The following CARMIL1 variants were observed in gnomAD, a reference collection of about 807,000 sequenced individuals.
CARMIL1 encodes F-actin-uncapping protein LRRC16A.
In CARMIL1, 90 loss-of-function variants were observed where a neutral mutation model predicts 177.1. The ratio of observed to expected loss-of-function variants is 0.51; its 90% confidence interval spans 0.43 to 0.61. The LOEUF (loss-of-function observed/expected upper bound fraction) is 0.61. Ranked by LOEUF, CARMIL1 falls within the 20% of genes least tolerant of loss-of-function variation. The pLI, the probability that CARMIL1 is intolerant of heterozygous loss-of-function variation, is 0.00. For synonymous variants in CARMIL1, 577 were observed against 606.2 expected (o/e 0.95, Z 0.71); for missense variants, 1,380 against 1,667.0 (o/e 0.83, Z 3.00).
Position 25,482,305 on chromosome 6 carries a change from A to G in CARMIL1, c.923A>G (p.Lys308Arg). 6.3e-7 allele frequency: 1 copy of G among 1,590,406 alleles called. No individual in the cohort carries two copies. The highest frequency in any genetic ancestry group is 8.6e-7 in the Non-Finnish European group (1 of 1,165,276). The change falls in exon 12 of 37, where the codon AAG becomes AGG. Residue 308 changes from lysine (K) to arginine (R), a missense_variant. By Grantham distance (26) the Lys-to-Arg change is conservative. Coordinates refer to ENST00000329474, the MANE Select transcript of CARMIL1 (RefSeq NM_017640.6). Reference sequence around the variant, plus strand: ...TTTGCCAAACTCCCAAAGGGATTAAAGCACTTAAATTTATCTAAAACCTCA... The same window carrying G: ...TTTGCCAAACTCCCAAAGGGATTAAGGCACTTAAATTTATCTAAAACCTCA... Reference protein sequence around the residue: ...IQFAKLPKGLKHLNLSKTSLS... With the variant: ...IQFAKLPKGLRHLNLSKTSLS...
chr6:25,558,796 C>T lies in CARMIL1; in HGVS notation c.2742+1946C>T, dbSNP rs1477238532. On this transcript the variant is annotated intron_variant, in intron 29 of 36. Transcript: ENST00000329474. This position sits in a 1 kb window ranked among gnomAD's most constrained non-coding sequence, Gnocchi z 4.1. ...CTGTGTTGAGTCCTAGGGTGAGGAG[C>T]AGGGCCCTGGGTGTTGAGGGAGTGA... Among the ~76,000 whole-genome samples, 1 of 152,040 alleles carries T rather than the reference C, an allele frequency of 6.6e-6. No homozygotes were observed. The highest frequency in any genetic ancestry group is 1.5e-5 in the Non-Finnish European group (1 of 68,002).
At chr6:25,441,337 A>ATATATATATATATATATGTGTGTGTGTG in intron 5 of CARMIL1, among the ~76,000 whole-genome samples, 1 of 94,534 alleles carries the variant, frequency 1.1e-5, no homozygotes, top group African/African-American at 4.4e-5. Flanking sequence ...ATATATATAT[A>ATATATATATATATATATGTGTGTGTGTG]TGTGTGTGTG....
chr6:25,440,743 A>G (rs1460670718), intron 5 of CARMIL1, among the ~76,000 whole-genome samples: 1 of 152,202 alleles, frequency 6.6e-6, no homozygotes, highest in Non-Finnish European at 1.5e-5. Flanking sequence ...CAGTAATGTC[A>G]TATATTCCAC....
chr6:25,284,778 T>C (rs1394464246), intron 1 of CARMIL1, 34 bp from the exon 2 acceptor site: 1 of 1,258,526 alleles, frequency 7.9e-7, no homozygotes, highest in Non-Finnish European at 1.1e-6. Context: ...GTGCTTTTTT[T>C]CTTATTAATA....
At chr6:25,411,979 A>G (rs2150642372) in intron 2 of CARMIL1, among the ~76,000 whole-genome samples, 1 of 152,072 alleles carries the variant, frequency 6.6e-6, no homozygotes, top group South Asian at 2.1e-4. Context: ...TGACTTTGAG[A>G]CCTGTTCCAA....
chr6:25,456,596 G>A (rs1323130449), intron 8 of CARMIL1, among the ~76,000 whole-genome samples: 1 of 152,150 alleles, frequency 6.6e-6, no homozygotes, highest in Non-Finnish European at 1.5e-5. Flanking sequence ...GGGATTTCTC[G>A]AAGGTCTGTG....
At chr6:25,327,163 C>A (rs200094508) in intron 2 of CARMIL1, among the ~76,000 whole-genome samples, 1 of 151,748 alleles carries the variant, frequency 6.6e-6, no homozygotes, top group African/African-American at 2.4e-5. Flanking sequence ...GTGATATCAC[C>A]AAGGAGAGAG....
chr6:25,596,481 C>T (rs1365378153), intron 32 of CARMIL1, among the ~76,000 whole-genome samples: 1 of 152,156 alleles, frequency 6.6e-6, no homozygotes, highest in East Asian at 1.9e-4. Context: ...CCCTATTCCC[C>T]AGAGGCAACT....
intron 2 of CARMIL1, among the ~76,000 whole-genome samples, chr6:25,360,074 C>G (rs1789029854): frequency 6.6e-6 from 1 of 152,158 alleles, no homozygotes; most frequent in Non-Finnish European, 1.5e-5. Context: ...GATAAGACAT[C>G]ATTCAGCCTC....
At chr6:25,440,728 G>T (rs762817596) in intron 5 of CARMIL1, among the ~76,000 whole-genome samples, 1 of 152,026 alleles carries the variant, frequency 6.6e-6, no homozygotes, top group African/African-American at 2.4e-5. Flanking sequence ...AATAAAATAT[G>T]TTTCCAGTAA....
intron 2 of CARMIL1, among the ~76,000 whole-genome samples, chr6:25,409,100 A>T (rs1273490854): frequency 1.3e-5 from 2 of 152,212 alleles, no homozygotes; most frequent in African/African-American, 4.8e-5. Flanking sequence ...AGTTTATCCC[A>T]TCACCATATA....
intron 2 of CARMIL1, among the ~76,000 whole-genome samples, chr6:25,394,330 C>G (rs1793164768): frequency 6.6e-6 from 1 of 152,124 alleles, no homozygotes; most frequent in Non-Finnish European, 1.5e-5. Flanking sequence ...AAGACAAGTG[C>G]TAAAGTGCTA....
chr6:25,429,064 C>T (rs1796506930), intron 4 of CARMIL1, among the ~76,000 whole-genome samples: 1 of 152,170 alleles, frequency 6.6e-6, no homozygotes, highest in African/African-American at 2.4e-5. Flanking sequence ...ATTGGTGGAG[C>T]AATTCCTACA....
chr6:25,433,547 T>C (rs551458589), intron 4 of CARMIL1, among the ~76,000 whole-genome samples: 8 of 152,376 alleles, frequency 5.3e-5, no homozygotes, highest in Non-Finnish European at 8.8e-5. Context: ...CTGGGTTGTT[T>C]AGCCTCCAGG....
chr6:25,367,143 C>T (rs76933872), intron 2 of CARMIL1, among the ~76,000 whole-genome samples: 7,193 of 152,212 alleles, frequency 0.047, 180 homozygotes, highest in Middle Eastern at 0.11. Context: ...AAAGCTTGTG[C>T]TGCAGTTTTG....
chr6:25,393,451 G>C (rs186515257), intron 2 of CARMIL1: 1 of 151,998 alleles, frequency 6.6e-6, no homozygotes, highest in African/African-American at 2.4e-5. Flanking sequence ...AGCTACTTGG[G>C]AGGCTGAGGC....
intron 11 of CARMIL1, among the ~76,000 whole-genome samples, chr6:25,474,587 A>G (rs1232147943): frequency 6.6e-6 from 1 of 152,224 alleles, no homozygotes; most frequent in Non-Finnish European, 1.5e-5. Context: ...GAAGGTTGAG[A>G]CTGAATTAGA....
chr6:25,321,978 G>A (rs1784710066), intron 2 of CARMIL1, among the ~76,000 whole-genome samples: 1 of 152,030 alleles, frequency 6.6e-6, no homozygotes, highest in Non-Finnish European at 1.5e-5. Context: ...GTTTTTTAAA[G>A]AGACCAGGTC....
At chr6:25,368,953 A>T (rs1467382459) in intron 2 of CARMIL1, among the ~76,000 whole-genome samples, 1 of 152,210 alleles carries the variant, frequency 6.6e-6, no homozygotes, top group South Asian at 2.1e-4. Flanking sequence ...CAATTCTGTT[A>T]GGAGGGTTCG....
Sources: allele counts gnomAD v4.1 joint callset (sites outside exome capture counted in the v4.1 genomes callset), GRCh38; gene constraint gnomAD v4.1.1; non-coding constraint Gnocchi (gnomAD v3.1); transcripts MANE v1.5; gene names NCBI Gene and HGNC (gene_info 2026-07-23, HGNC 2026-07-21).